The following CRACD variants were observed in gnomAD, a reference collection of about 807,000 sequenced individuals.
CRACD encodes capping protein-inhibiting regulator of actin dynamics.
Under a neutral mutation model 106.8 loss-of-function variants are expected in CRACD, and 56 were observed. The ratio of observed to expected loss-of-function variants is 0.52; its 90% CI spans 0.42 to 0.66. The LOEUF (loss-of-function observed/expected upper bound fraction) is 0.66. Among genes scored for constraint, CRACD ranks in the 30% least tolerant of loss-of-function variants. The pLI is 0.00. For missense variants in CRACD, 1,730 were observed against 1,623.2 expected (o/e 1.07, Z -1.13); for synonymous variants, 754 against 670.8 (o/e 1.12, Z -1.92).
At chr4:56,126,698 C>T (rs747965691) in intron 1 of CRACD, among the ~76,000 whole-genome samples, 1 of 152,160 alleles carries the variant, frequency 6.6e-6, no homozygotes, top group African/African-American at 2.4e-5. Context: ...AATGCTTGTA[C>T]ACCAAAAATT....
At chr4:56,308,833 G>T in intron 5 of CRACD, 2 of 1,287,430 alleles carry the variant, frequency 1.6e-6, no homozygotes, top group Admixed American at 2.3e-5. Context: ...TGGTGCAGGG[G>T]TATCCTGAGA....
chr4:56,255,587 G>C lies in CRACD; in HGVS notation c.-188-16734G>C, dbSNP rs112807264. ...ACATGACTCCTGGACCTGCTGAGAA[G>C]AAAGTAACAATTACATATTGGTAAG... On this transcript the variant is annotated intron_variant, in intron 2 of 10. Transcript: ENST00000682029. 5.5e-4 allele frequency among the ~76,000 whole-genome samples: 84 copies of C among 152,228 alleles called. 1 individual carries two copies. Among genetic ancestry groups the C allele is most frequent in the Middle Eastern group, 3.4e-3 (1 of 294 alleles).
chr4:56,145,251 C>T (rs1348257650), intron 1 of CRACD, among the ~76,000 whole-genome samples: 7 of 152,174 alleles, frequency 4.6e-5, no homozygotes, highest in Non-Finnish European at 7.3e-5. Flanking sequence ...GATGTACTCA[C>T]GTCAGCATTT....
chr4:56,143,909 A>C (rs1033580449), intron 1 of CRACD, among the ~76,000 whole-genome samples: 10 of 152,318 alleles, frequency 6.6e-5, no homozygotes, highest in Middle Eastern at 3.4e-3. Context: ...GAGTTAAGAA[A>C]AGAGGAAATT....
intron 2 of CRACD, among the ~76,000 whole-genome samples, chr4:56,197,335 TTTAG>T (rs1737659156): frequency 6.6e-6 from 1 of 152,174 alleles, no homozygotes; most frequent in African/African-American, 2.4e-5. Context: ...TTTGCTCTGT[TTTAG>T]TTAATTCAGA....
intron 3 of CRACD, among the ~76,000 whole-genome samples, chr4:56,284,080 C>T (rs570267315): frequency 9.2e-5 from 14 of 152,190 alleles, no homozygotes; most frequent in South Asian, 2.1e-4. Context: ...ATCTGCCTCA[C>T]GCTTTCCATT....
chr4:56,083,920 T>G (rs1281740410), intron 1 of CRACD, among the ~76,000 whole-genome samples: 2 of 152,172 alleles, frequency 1.3e-5, no homozygotes, highest in Non-Finnish European at 2.9e-5. Context: ...TAGGCTGCGG[T>G]GAGCTGTGAT....
chr4:56,154,713 T>C (rs1298201850), intron 1 of CRACD, among the ~76,000 whole-genome samples: 1 of 152,188 alleles, frequency 6.6e-6, no homozygotes, highest in Non-Finnish European at 1.5e-5. Context: ...TTCCATCTTG[T>C]AAATCATGGC....
intron 1 of CRACD, among the ~76,000 whole-genome samples, chr4:56,083,269 T>A (rs1233695512): frequency 1.3e-5 from 2 of 152,218 alleles, no homozygotes; most frequent in Non-Finnish European, 2.9e-5. Flanking sequence ...ATTTCCAGGA[T>A]GAAAATGGTT....
chr4:56,233,552 A>G (rs1739771509), intron 2 of CRACD, among the ~76,000 whole-genome samples: 1 of 152,092 alleles, frequency 6.6e-6, no homozygotes, highest in African/African-American at 2.4e-5. Flanking sequence ...CTTCTGATTT[A>G]TTTTTTATCT....
intron 1 of CRACD, among the ~76,000 whole-genome samples, chr4:56,069,417 C>T (rs1011890297): frequency 1.3e-5 from 2 of 152,092 alleles, no homozygotes; most frequent in Non-Finnish European, 2.9e-5. Context: ...TCAGGGACAG[C>T]GTCTGGAGAA....
intron 8 of CRACD, among the ~76,000 whole-genome samples, chr4:56,318,238 C>A (rs1244526008): frequency 6.6e-6 from 1 of 152,092 alleles, no homozygotes; most frequent in Non-Finnish European, 1.5e-5. Context: ...ATCATGCATC[C>A]CTCCTGCCTA....
intron 1 of CRACD, among the ~76,000 whole-genome samples, chr4:56,092,471 T>A (rs1438808245): frequency 6.6e-6 from 1 of 152,150 alleles, no homozygotes; most frequent in Non-Finnish European, 1.5e-5. Flanking sequence ...TTCAAAGATT[T>A]AGTATGAGAA....
intron 5 of CRACD, chr4:56,308,980 CA>C (rs1231494951): frequency 9.3e-6 from 10 of 1,077,846 alleles, no homozygotes; most frequent in Non-Finnish European, 1.3e-5. Context: ...AGGGGCCCCC[CA>C]TCTCTGTAGT....
At chr4:56,265,403 GGTGTGTGTGTGTGT>G (rs111811548) in intron 2 of CRACD, among the ~76,000 whole-genome samples, 3 of 77,444 alleles carry the variant, frequency 3.9e-5, no homozygotes, top group South Asian at 4.7e-4. Context: ...ATAGAGGAGG[GGTGTGTGTGTGTGT>G]GTGTGTGTGT....
rs1382808304 is a variant in CRACD, at chr4:56,168,445, A to G, written c.-335-10839A>G. 2.0e-5 allele frequency among the ~76,000 whole-genome samples: 3 copies of G among 151,932 alleles called. No individual in the cohort carries two copies. In the East Asian group the frequency reaches 5.8e-4, roughly 29 times the overall value. ...CCATATTGCAGAATTCAAATTACCA[A>G]TTTTTAACTTAATGCTTGCATTTAT... is the stretch of plus-strand genomic sequence containing the variant. On this transcript the variant is annotated intron_variant, in intron 1 of 10. Coordinates refer to ENST00000682029, the MANE Select transcript of CRACD (RefSeq NM_001393381.1).
chr4:56,168,175 C>A (rs1431885782), intron 1 of CRACD, among the ~76,000 whole-genome samples: 1 of 152,152 alleles, frequency 6.6e-6, no homozygotes, highest in Admixed American at 6.5e-5. Context: ...AGCCTTTTAT[C>A]AAGTAGGATG....
At position 56,313,943 on chromosome 4, in the gene CRACD, GAGAA is replaced by G; in HGVS notation, c.538-95_538-92del. On this transcript the variant is annotated intron_variant, in intron 7 of 10. Transcript: ENST00000682029. ...AGAATACCTGCTTCCAGGTGTTCTT[GAGAA>G]ATTAAGAGGGTCGCTGGCACTGTGA... 5 of 1,484,170 alleles carry G rather than the reference GAGAA, an allele frequency of 3.4e-6. No homozygotes were observed. In the South Asian group the frequency reaches 5.5e-5, roughly 16 times the overall value. 91.9% of individuals were successfully genotyped at this position (1,484,170 alleles called of 1,614,324 possible).
intron 1 of CRACD, among the ~76,000 whole-genome samples, chr4:56,082,023 G>A (rs563019988): frequency 6.6e-6 from 1 of 152,140 alleles, no homozygotes; most frequent in Non-Finnish European, 1.5e-5. Context: ...CATTCTTTTG[G>A]GAGAAGAAGA....
Sources: allele counts gnomAD v4.1 joint callset (sites outside exome capture counted in the v4.1 genomes callset), GRCh38; gene constraint gnomAD v4.1.1; transcripts MANE v1.5; gene names NCBI Gene and HGNC (gene_info 2026-07-23, HGNC 2026-07-21).